Variants in FGF1 observed in about 807,000 individuals in gnomAD.
The protein encoded by FGF1 is beta-endothelial cell growth factor.
In FGF1, 9 loss-of-function variants were observed where a neutral mutation model predicts 13.4. The observed-to-expected ratio is 0.67, with a 90% CI of 0.40 to 1.17. FGF1 has a LOEUF of 1.17. Among genes scored for constraint, FGF1 ranks in the 50% most tolerant of loss-of-function variants. The pLI, the probability that FGF1 is intolerant of heterozygous loss-of-function variation, is 0.01. For missense variants in FGF1, 156 were observed against 192.7 expected (o/e 0.81, Z 1.13); for synonymous variants, 93 against 79.0 (o/e 1.18, Z -0.94).
At chr5:142,622,851 C>A (rs1487256424) in intron 1 of FGF1, among the ~76,000 whole-genome samples, 1 of 152,234 alleles carries the variant, frequency 6.6e-6, no homozygotes, top group East Asian at 1.9e-4. Context: ...GGGCTAGCAT[C>A]TCAGCATGCT....
At chr5:142,658,164 C>T (rs1768512973) in intron 1 of FGF1, among the ~76,000 whole-genome samples, 1 of 152,186 alleles carries the variant, frequency 6.6e-6, no homozygotes, top group Admixed American at 6.5e-5. Flanking sequence ...TTAATATGCC[C>T]TAGTCATATT....
At chr5:142,624,137 C>A (rs767058689) in intron 1 of FGF1, among the ~76,000 whole-genome samples, 1 of 152,172 alleles carries the variant, frequency 6.6e-6, no homozygotes, top group Non-Finnish European at 1.5e-5. Flanking sequence ...CCAGGCTGGT[C>A]TCGAACTCTG....
chr5:142,605,370 C>T (rs543885324), intron 2 of FGF1, among the ~76,000 whole-genome samples: 1 of 151,974 alleles, frequency 6.6e-6, no homozygotes, highest in Non-Finnish European at 1.5e-5. Flanking sequence ...ATCCACCCCC[C>T]TCGGCCTCCC....
chr5:142,640,735 A>T lies in FGF1; in HGVS notation c.-34-26574T>A, dbSNP rs186941404. On this transcript the variant is annotated intron_variant, in intron 1 of 3. Transcript: ENST00000337706. ...GCTGCCTCCATCTGAACCTGTCCTC[A>T]TCCCCACCAAACCAAAAGTCATTTC... 5.7e-4 allele frequency among the ~76,000 whole-genome samples: 86 copies of T among 152,124 alleles called. 2 individuals carry two copies. The highest frequency in any genetic ancestry group is 9.0e-4 in the Non-Finnish European group (61 of 68,024).
At chr5:142,675,471 C>G (rs1157559326) in intron 1 of FGF1, among the ~76,000 whole-genome samples, 3 of 152,168 alleles carry the variant, frequency 2.0e-5, no homozygotes, top group Non-Finnish European at 4.4e-5. Flanking sequence ...GGAATATTCT[C>G]AGACCTCGAA....
intron 3 of FGF1, among the ~76,000 whole-genome samples, chr5:142,596,581 ATT>A (rs1248236555): frequency 7.4e-5 from 9 of 121,822 alleles, no homozygotes; most frequent in East Asian, 2.4e-4. Context: ...ATTCTCTACA[ATT>A]TTTTTTTTTT....
At position 142,636,179 on chromosome 5, in the gene FGF1, A is replaced by G. The variant is rs1226885447; in HGVS notation, c.-34-22018T>C. On this transcript the variant is annotated intron_variant, in intron 1 of 3. Coordinates refer to ENST00000337706, the MANE Select transcript of FGF1 (RefSeq NM_000800.5). ...GCACGGGCCACTAGCAGGTACACCA[A>G]TGCATCTGCACCTTATCTGATTTGC... Among the ~76,000 whole-genome samples, 3 of 152,310 alleles carry G rather than the reference A, an allele frequency of 2.0e-5. No homozygotes were observed. The East Asian group carries it at 5.8e-4, about 29-fold the overall frequency.
At chr5:142,695,883 G>A (rs1753038364) in intron 2 of FGF1, among the ~76,000 whole-genome samples, 3 of 152,194 alleles carry the variant, frequency 2.0e-5, no homozygotes, top group South Asian at 2.1e-4. Context: ...TCAGAGAGGG[G>A]AGACAGCAGG....
At chr5:142,622,368 A>G (rs991299743) in intron 1 of FGF1, among the ~76,000 whole-genome samples, 2 of 152,210 alleles carry the variant, frequency 1.3e-5, no homozygotes, top group Non-Finnish European at 2.9e-5. Flanking sequence ...CTTGTGGAAC[A>G]TCTTATCAGA....
At chr5:142,677,020 A>T (rs1772749496) in intron 1 of FGF1, among the ~76,000 whole-genome samples, 1 of 152,254 alleles carries the variant, frequency 6.6e-6, no homozygotes, top group African/African-American at 2.4e-5. Flanking sequence ...AGCCAACTGC[A>T]AAAAGCCTGG....
intron 1 of FGF1, among the ~76,000 whole-genome samples, chr5:142,615,831 G>A (rs527770205): frequency 1.2e-4 from 19 of 152,220 alleles, no homozygotes; most frequent in Non-Finnish European, 2.8e-4. Context: ...AAAAGGTTTA[G>A]TGACTTTATC....
intron 2 of FGF1, 52 bp from the exon 3 acceptor site, chr5:142,600,857 A>G (rs1756386511): frequency 6.6e-6 from 9 of 1,372,556 alleles, no homozygotes; most frequent in South Asian, 1.2e-5. Context: ...GCTTTTGCCG[A>G]TAGGACCCGG....
chr5:142,638,618 G>T (rs532924766), intron 1 of FGF1, among the ~76,000 whole-genome samples: 1 of 152,176 alleles, frequency 6.6e-6, no homozygotes, highest in East Asian at 1.9e-4. Context: ...CTTGATGCAG[G>T]TCTGGGTAAT....
At chr5:142,630,258 C>A (rs577112680) in intron 1 of FGF1, among the ~76,000 whole-genome samples, 1 of 152,112 alleles carries the variant, frequency 6.6e-6, no homozygotes, top group Admixed American at 6.5e-5. Context: ...CCACACCTCA[C>A]CCTAGTCCCA....
At position 142,595,007 on chromosome 5, in the gene FGF1, G is replaced by T. The variant is rs34002; in HGVS notation, c.*283C>A. On this transcript the variant is annotated 3_prime_UTR_variant, in exon 4 of 4. Transcript: ENST00000337706. The stretch of plus-strand genomic sequence containing the variant: ...ACTTCATTTAGCCCCACTTTTGCAT[G>T]GAGGGACTCAGCCTGCAAGAGGCAA... 0.49 allele frequency: 171,061 copies of T among 347,364 alleles called. 43,916 individuals are homozygous for T. Among genetic ancestry groups the T allele is most frequent in the African/African-American group, 0.66 (31,631 of 47,698 alleles). The allele number at this position is 347,364 out of a possible 1,614,324, so 21.5% of individuals were successfully genotyped here. A position where few individuals can be genotyped will look rare whatever the true frequency, so the allele number is the denominator to read the frequency against.
intron 2 of FGF1, among the ~76,000 whole-genome samples, chr5:142,693,201 T>A (rs897770608): frequency 2.6e-5 from 4 of 152,228 alleles, no homozygotes; most frequent in Non-Finnish European, 5.9e-5. Context: ...TTCTCAGAGC[T>A]TACAGGGTGA....
chr5:142,682,085 ATTTTTTTT>A (rs371659888), intron 1 of FGF1, among the ~76,000 whole-genome samples: 1 of 134,960 alleles, frequency 7.4e-6, no homozygotes, highest in Non-Finnish European at 1.6e-5. Flanking sequence ...TTTCTCCTCT[ATTTTTTTT>A]TTTTTTTTTG....
At chr5:142,651,977 G>A (rs2151976915) in intron 1 of FGF1, among the ~76,000 whole-genome samples, 1 of 152,208 alleles carries the variant, frequency 6.6e-6, no homozygotes, top group East Asian at 1.9e-4. Flanking sequence ...CGTTTATTAA[G>A]TGCTTCGTAC....
At chr5:142,627,947 G>T (rs1407052526) in intron 1 of FGF1, among the ~76,000 whole-genome samples, 1 of 152,100 alleles carries the variant, frequency 6.6e-6, no homozygotes, top group Non-Finnish European at 1.5e-5. Context: ...CAGCACCACC[G>T]ATGGCTCTCA....
Sources: allele counts gnomAD v4.1 joint callset (sites outside exome capture counted in the v4.1 genomes callset), GRCh38; gene constraint gnomAD v4.1.1; transcripts MANE v1.5; gene names NCBI Gene and HGNC (gene_info 2026-07-23, HGNC 2026-07-21).